The following ARHGAP6 variants were observed in gnomAD, a reference collection of about 807,000 sequenced individuals.
ARHGAP6 encodes rho GTPase-activating protein 6.
Under a neutral mutation model 55.7 loss-of-function variants are expected in ARHGAP6, and 16 were observed. The observed-to-expected ratio is 0.29, with a 90% CI of 0.19 to 0.44. The LOEUF (loss-of-function observed/expected upper bound fraction) is 0.44. ARHGAP6 is among the 20% of genes least tolerant of loss of function. ARHGAP6 has a pLI of 1.00. For missense variants in ARHGAP6, 698 were observed against 808.9 expected, an observed-to-expected ratio of 0.86 and a Z score of 1.66; for synonymous variants, 382 against 360.9, an observed-to-expected ratio of 1.06 and a Z score of -0.66.
intron 3 of ARHGAP6, among the ~76,000 whole-genome samples, chrX:11,189,954 T>C (rs1441201597): frequency 8.9e-6 from 1 of 112,327 alleles, no homozygotes; most frequent in Non-Finnish European, 1.9e-5. Context: ...CTAGCAGCAG[T>C]AAGTTGGAAT....
chrX:11,306,199 C>T (rs984976689), intron 1 of ARHGAP6, among the ~76,000 whole-genome samples: 2 of 112,293 alleles, frequency 1.8e-5, no homozygotes, highest in East Asian at 5.6e-4. Context: ...ATGACCAACA[C>T]CTCAATGTCA....
chrX:11,292,249 A>G lies in ARHGAP6; in HGVS notation c.589-37542T>C, dbSNP rs183365414. On this transcript the variant is annotated intron_variant, in intron 1 of 12. Coordinates refer to ENST00000337414, the MANE Select transcript of ARHGAP6 (RefSeq NM_013427.3). ...TAGATATTCAGTATCTCCTTTATTG[A>G]TCTAATATTGATGGACGACTCGTCA... Among the ~76,000 whole-genome samples the G allele has an allele frequency of 2.7e-5, 3 of 111,806 alleles. No homozygotes were observed. The East Asian group carries it at 8.4e-4, about 31-fold the overall frequency.
Position 11,139,085 on chromosome X carries a change from C to A in ARHGAP6, c.2703G>T (p.Pro901=). ...AAAAAWIQGP[P]EGVETPTDQG... Reference sequence around the variant, plus strand: ...GGTCCGTGGGTGTCTCCACGCCTTCCGGGGGCCCCTGGATCCAGGCTGCCG... The same window carrying A: ...GGTCCGTGGGTGTCTCCACGCCTTCAGGGGGCCCCTGGATCCAGGCTGCCG... The change falls in exon 13 of 13, where the codon CCG becomes CCT. Residue 901 remains proline (P), a synonymous_variant. Transcript: ENST00000337414. 6 of 1,203,021 alleles carry A rather than the reference C, an allele frequency of 5.0e-6. No homozygotes were observed. Among genetic ancestry groups the A allele is most frequent in the Admixed American group, 2.2e-5 (1 of 45,444 alleles).
chrX:11,427,541 C>T, intron 1 of ARHGAP6: 4 of 936,578 alleles, frequency 4.3e-6, no homozygotes, highest in Non-Finnish European at 5.4e-6. Context: ...CGCGTCAGGA[C>T]ACTCACCGCG....
intron 1 of ARHGAP6, among the ~76,000 whole-genome samples, chrX:11,489,830 T>C (rs2050548903): frequency 1.8e-5 from 2 of 111,561 alleles, no homozygotes; most frequent in South Asian, 3.8e-4. Context: ...AAGGGATTGG[T>C]GACTTGACCA....
chrX:11,527,011 AGTGTGTGTGTGTGTGTGTGTGTGT>A (rs59668043), intron 1 of ARHGAP6, among the ~76,000 whole-genome samples: 6 of 81,062 alleles, frequency 7.4e-5, no homozygotes, highest in Non-Finnish European at 1.2e-4. Flanking sequence ...TAATATGAGG[AGTGTGTGTGTGTGTGTGTGTGTGT>A]GTGTGTGTGT....
chrX:11,613,407 A>G (rs1460671371), intron 1 of ARHGAP6, among the ~76,000 whole-genome samples: 1 of 112,396 alleles, frequency 8.9e-6, no homozygotes, highest in East Asian at 2.8e-4. Flanking sequence ...AATGATGCAT[A>G]TATAATTCTA....
chrX:11,503,778 A>G, intron 1 of ARHGAP6, among the ~76,000 whole-genome samples: 1 of 111,486 alleles, frequency 9.0e-6, no homozygotes, highest in Non-Finnish European at 1.9e-5. Flanking sequence ...TTCATCTCAC[A>G]AAACCTAATG....
chrX:11,518,997 G>C (rs2050881542), intron 1 of ARHGAP6, among the ~76,000 whole-genome samples: 1 of 96,899 alleles, frequency 1.0e-5, no homozygotes, highest in Non-Finnish European at 2.0e-5. Context: ...GTATACCATG[G>C]TGTATATGTG....
chrX:11,225,997 GTTTC>G (rs902368944), intron 2 of ARHGAP6, among the ~76,000 whole-genome samples: 2 of 107,954 alleles, frequency 1.9e-5, no homozygotes, highest in African/African-American at 6.8e-5. Context: ...GGCCCCGAGA[GTTTC>G]TTTTTTTTTT....
chrX:11,278,303 G>A (rs924155632), intron 1 of ARHGAP6, among the ~76,000 whole-genome samples: 55 of 111,619 alleles, frequency 4.9e-4, no homozygotes, highest in African/African-American at 1.7e-3. Flanking sequence ...TGGGCCCAAC[G>A]TAACCACACA....
chrX:11,173,237 CAG>C (rs1431205512), intron 8 of ARHGAP6, among the ~76,000 whole-genome samples: 1 of 112,216 alleles, frequency 8.9e-6, no homozygotes, highest in African/African-American at 3.2e-5. Context: ...AGCTTTAAAA[CAG>C]GGCTGAATGA....
intron 1 of ARHGAP6, among the ~76,000 whole-genome samples, chrX:11,427,299 A>G (rs892118067): frequency 5.3e-5 from 6 of 112,390 alleles, no homozygotes; most frequent in African/African-American, 1.9e-4. Flanking sequence ...TCCCAGATGC[A>G]GTGACCACAG....
chrX:11,419,816 T>C (rs1354120117), intron 1 of ARHGAP6, among the ~76,000 whole-genome samples: 6 of 112,731 alleles, frequency 5.3e-5, no homozygotes, highest in Non-Finnish European at 1.1e-4. Flanking sequence ...AAAAATATGT[T>C]AAAAGTTTAT....
intron 1 of ARHGAP6, among the ~76,000 whole-genome samples, chrX:11,477,904 C>T (rs1207168069): frequency 1.8e-5 from 2 of 111,710 alleles, no homozygotes; most frequent in Admixed American, 1.9e-4. Flanking sequence ...TATTTGATAT[C>T]TTGATGTGGT....
At position 11,608,915 on chromosome X, in the gene ARHGAP6, G is replaced by A. The variant is rs775911031; in HGVS notation, c.588+55326C>T. ...AGTCTTGGGTATGTCTTTATCAGCA[G>A]TGTAAAAACGGACTAATACACCCAC... On this transcript the variant is annotated intron_variant, in intron 1 of 12. Coordinates refer to ENST00000337414, the MANE Select transcript of ARHGAP6 (RefSeq NM_013427.3). Among the ~76,000 whole-genome samples, 4 of 111,585 alleles carry A rather than the reference G, an allele frequency of 3.6e-5. No homozygotes were observed. In the East Asian group the frequency reaches 1.1e-3, roughly 31 times the overall value.
intron 1 of ARHGAP6, among the ~76,000 whole-genome samples, chrX:11,463,246 C>T (rs930976326): frequency 3.6e-5 from 4 of 111,424 alleles, no homozygotes; most frequent in Admixed American, 9.5e-5. Flanking sequence ...GTGGGTGGGG[C>T]GTGTGGAGAG....
intron 2 of ARHGAP6, among the ~76,000 whole-genome samples, chrX:11,204,939 C>G (rs2046683241): frequency 8.9e-6 from 1 of 112,112 alleles, no homozygotes; most frequent in Non-Finnish European, 1.9e-5. Flanking sequence ...CTCCCAGCCT[C>G]TAGTCTCATC....
chrX:11,424,836 T>C (rs1257039163), intron 1 of ARHGAP6, among the ~76,000 whole-genome samples: 1 of 112,620 alleles, frequency 8.9e-6, no homozygotes. Context: ...ATTTTCTGTG[T>C]GTGATGATAA....
Sources: gnomAD v4.1 joint callset for allele counts (sites outside exome capture counted in the v4.1 genomes callset) on GRCh38, gnomAD v4.1.1 for gene constraint, MANE v1.5 for transcripts, NCBI Gene and HGNC (gene_info 2026-07-23, HGNC 2026-07-21) for gene names.